Variants in NELL1 observed in about 807,000 individuals in gnomAD.
NELL1 encodes neural EGFL like 1.
NELL1 carries 76 observed loss-of-function variants against 107.4 expected under a neutral mutation model. The ratio of observed to expected loss-of-function variants is 0.71; its 90% CI spans 0.59 to 0.86. NELL1 has a LOEUF of 0.86. Among genes scored for constraint, NELL1 ranks in the 40% least tolerant of loss-of-function variants. NELL1 has a pLI of 0.00. For synonymous variants in NELL1, 353 were observed against 341.2 expected (o/e 1.03, Z -0.38); for missense variants, 1,024 against 1,005.5 (o/e 1.02, Z -0.25).
chr11:20,684,390 A>G (rs527605507), intron 2 of NELL1, among the ~76,000 whole-genome samples: 2 of 152,168 alleles, frequency 1.3e-5, no homozygotes, highest in South Asian at 4.1e-4. Flanking sequence ...ATTATCTGTC[A>G]TTACTATCAC....
intron 2 of NELL1, among the ~76,000 whole-genome samples, chr11:20,714,132 C>G (rs903663707): frequency 6.6e-6 from 1 of 150,810 alleles, no homozygotes; most frequent in East Asian, 2.0e-4. Context: ...TGAGTCTCCA[C>G]ACACTGTTCT....
chr11:20,999,105 C>T (rs954061969), intron 12 of NELL1, among the ~76,000 whole-genome samples: 1 of 152,184 alleles, frequency 6.6e-6, no homozygotes. Context: ...TTATTTGCCA[C>T]ATCCCCATGC....
chr11:21,401,767 C>T (rs528827382), intron 15 of NELL1, among the ~76,000 whole-genome samples: 1 of 151,828 alleles, frequency 6.6e-6, no homozygotes, highest in Non-Finnish European at 1.5e-5. Context: ...ATATGAGTTT[C>T]AAGCCAGGCA....
At chr11:20,973,486 A>G (rs1851543062) in intron 12 of NELL1, among the ~76,000 whole-genome samples, 2 of 152,172 alleles carry the variant, frequency 1.3e-5, no homozygotes, top group South Asian at 2.1e-4. Context: ...TCATCTTTAT[A>G]TCCGCAGCCT....
chr11:20,729,074 T>C (rs1307352640), intron 2 of NELL1, among the ~76,000 whole-genome samples: 1 of 152,126 alleles, frequency 6.6e-6, no homozygotes, highest in Non-Finnish European at 1.5e-5. Flanking sequence ...CTATTATAAG[T>C]GGGATTACAT....
chr11:21,162,665 G>C (rs1216488194), intron 13 of NELL1, among the ~76,000 whole-genome samples: 1 of 152,162 alleles, frequency 6.6e-6, no homozygotes, highest in Non-Finnish European at 1.5e-5. Flanking sequence ...TGACCTTCAA[G>C]ATCTTCAACC....
intron 8 of NELL1, 60 bp from the exon 9 acceptor site, chr11:20,928,317 C>T: frequency 6.9e-7 from 1 of 1,448,014 alleles, no homozygotes; most frequent in Non-Finnish European, 9.7e-7. Flanking sequence ...CAATGATCTC[C>T]ACAACAGGAG....
intron 14 of NELL1, among the ~76,000 whole-genome samples, chr11:21,256,158 C>A (rs966915784): frequency 9.2e-5 from 14 of 151,976 alleles, no homozygotes; most frequent in African/African-American, 3.1e-4. Context: ...CCAACACGAC[C>A]ATTCATGTTT....
intron 13 of NELL1, among the ~76,000 whole-genome samples, chr11:21,179,490 T>C (rs1856780811): frequency 6.6e-6 from 1 of 151,836 alleles, no homozygotes; most frequent in East Asian, 1.9e-4. Context: ...TCATCCAACT[T>C]GTGATAGCAG....
chr11:21,477,332 A>C (rs1426161297), intron 15 of NELL1, among the ~76,000 whole-genome samples: 1 of 152,130 alleles, frequency 6.6e-6, no homozygotes, highest in Non-Finnish European at 1.5e-5. Flanking sequence ...GGAGCTTAGC[A>C]CAGAGAGAGA....
chr11:21,466,638 A>G (rs1207604511), intron 15 of NELL1, among the ~76,000 whole-genome samples: 1 of 152,168 alleles, frequency 6.6e-6, no homozygotes, highest in Non-Finnish European at 1.5e-5. Context: ...ACCCCAGTGC[A>G]TAAAATGGAT....
chr11:20,909,494 G>A (rs1194462455), intron 5 of NELL1, among the ~76,000 whole-genome samples: 2 of 152,164 alleles, frequency 1.3e-5, no homozygotes, highest in Non-Finnish European at 2.9e-5. Context: ...CCAGGGCCGG[G>A]AAGAAGAATC....
intron 12 of NELL1, among the ~76,000 whole-genome samples, chr11:21,015,567 GT>G (rs977573839): frequency 2.6e-5 from 4 of 152,116 alleles, no homozygotes; most frequent in African/African-American, 4.8e-5. Context: ...TTGCAGCTTT[GT>G]TTCCCCCTGT....
At chr11:21,412,708 A>G (rs1185515177) in intron 15 of NELL1, among the ~76,000 whole-genome samples, 1 of 152,102 alleles carries the variant, frequency 6.6e-6, no homozygotes, top group African/African-American at 2.4e-5. Context: ...GGCTGTGAAA[A>G]TTCCAGAAAT....
At chr11:20,828,819 C>T (rs1857940715) in intron 3 of NELL1, among the ~76,000 whole-genome samples, 1 of 152,160 alleles carries the variant, frequency 6.6e-6, no homozygotes, top group Non-Finnish European at 1.5e-5. Flanking sequence ...AGGTGGATTT[C>T]ACAATTCTAA....
chr11:20,684,743 G>T (rs1198602044), intron 2 of NELL1, among the ~76,000 whole-genome samples: 1 of 151,946 alleles, frequency 6.6e-6, no homozygotes, highest in African/African-American at 2.4e-5. Context: ...AATTCTTTTA[G>T]ATCCTACTTT....
chr11:21,096,385 C>G (rs1333573389), intron 12 of NELL1, among the ~76,000 whole-genome samples: 2 of 152,226 alleles, frequency 1.3e-5, no homozygotes, highest in African/African-American at 4.8e-5. Flanking sequence ...TCTCCTACAG[C>G]TCTCTGAGTG....
At chr11:21,131,750 T>G (rs190977337) in intron 13 of NELL1, among the ~76,000 whole-genome samples, 179 of 152,362 alleles carry the variant, frequency 1.2e-3, no homozygotes, top group African/African-American at 3.9e-3. Context: ...TTAAAACTTT[T>G]GAACAGATGT....
At chr11:21,076,705 A>C (rs1854144486) in intron 12 of NELL1, among the ~76,000 whole-genome samples, 1 of 152,142 alleles carries the variant, frequency 6.6e-6, no homozygotes, top group African/African-American at 2.4e-5. Context: ...GTTTGGGTAA[A>C]GGGGGCAGAT....
Sources: allele counts gnomAD v4.1 joint callset (sites outside exome capture counted in the v4.1 genomes callset), GRCh38; gene constraint gnomAD v4.1.1; transcripts MANE v1.5; gene names NCBI Gene and HGNC (gene_info 2026-07-23, HGNC 2026-07-21).